The following SBNO2 variants were observed in gnomAD, a reference collection of about 807,000 sequenced individuals.
SBNO2 encodes protein strawberry notch homolog 2.
Under a neutral mutation model 146.3 loss-of-function variants are expected in SBNO2, and 89 were observed. The ratio of observed to expected loss-of-function variants is 0.61; its 90% CI spans 0.51 to 0.73. SBNO2 has a LOEUF of 0.73. SBNO2 is among the 30% of genes least tolerant of loss of function. SBNO2 has a pLI of 0.00. For synonymous variants in SBNO2, 1,147 were observed against 892.6 expected (o/e 1.29, Z -5.08); for missense variants, 2,092 against 2,003.7 (o/e 1.04, Z -0.84).
At chr19:1,162,212 C>A (rs1252939230) in intron 1 of SBNO2, among the ~76,000 whole-genome samples, 1 of 146,354 alleles carries the variant, frequency 6.8e-6, no homozygotes, top group Non-Finnish European at 1.5e-5. Context: ...GTAATCCCAG[C>A]ACTTTGGGAG....
intron 1 of SBNO2, among the ~76,000 whole-genome samples, chr19:1,162,545 C>T (rs2080359096): frequency 6.6e-6 from 1 of 151,908 alleles, no homozygotes; most frequent in Non-Finnish European, 1.5e-5. Flanking sequence ...CTCACCCATA[C>T]GAGCCTGCCA....
intron 1 of SBNO2, among the ~76,000 whole-genome samples, chr19:1,159,233 A>G (rs752301971): frequency 2.3e-4 from 35 of 151,660 alleles, no homozygotes; most frequent in Non-Finnish European, 4.7e-4. Flanking sequence ...CTCAGCTAAT[A>G]TGGGGCAGAG....
At chr19:1,118,556 C>T (rs1048228726) in intron 14 of SBNO2, among the ~76,000 whole-genome samples, 4 of 151,788 alleles carry the variant, frequency 2.6e-5, no homozygotes, top group Non-Finnish European at 4.4e-5. Context: ...TCCCATCCCT[C>T]GTTATCACAG....
intron 2 of SBNO2, 79 bp downstream of exon 2, chr19:1,154,105 G>T: frequency 1.5e-6 from 1 of 673,090 alleles, no homozygotes; most frequent in Non-Finnish European, 2.1e-6. Flanking sequence ...CATTCCGCAC[G>T]ACGTGACCCC....
intron 3 of SBNO2, 125 bp from the exon 4 acceptor site, chr19:1,147,545 G>C (rs540284576): frequency 1.8e-6 from 1 of 557,454 alleles, no homozygotes; most frequent in Non-Finnish European, 3.0e-6. Flanking sequence ...TGCCCAGCCC[G>C]GCAGGACCCA....
At position 1,108,505 on chromosome 19, in the gene SBNO2, C is replaced by T. The variant is rs2079702923; in HGVS notation, c.3816G>A (p.Pro1272=). The T allele has an allele frequency of 4.2e-6, 5 of 1,204,810 alleles. No individual in the cohort carries two copies. Among genetic ancestry groups the T allele is most frequent in the Non-Finnish European group, 5.2e-6 (5 of 968,778 alleles). The allele number at this position is 1,204,810 out of a possible 1,614,324, so 74.6% of individuals were successfully genotyped here. The change falls in exon 32 of 32, where the codon CCG becomes CCA. Residue 1272 remains proline, a synonymous_variant. Coordinates refer to ENST00000361757, the MANE Select transcript of SBNO2 (RefSeq NM_014963.3). ...SPPAEAFPPP[P]HFSFPAPLSL... ...ACAGCGGCGCCGGGAAAGAGAAGTGCGGGGGCGGCGGGAAGGCCTCGGCCG... is the reference window on the plus strand; with the variant it reads ...ACAGCGGCGCCGGGAAAGAGAAGTGTGGGGGCGGCGGGAAGGCCTCGGCCG...
In SBNO2 at chr19:1,127,447, C is replaced by T. The variant is rs1002135264; in HGVS notation, c.441+157G>A. 5 of 710,868 alleles carry T rather than the reference C, an allele frequency of 7.0e-6. No individual in the cohort carries two copies. The East Asian group carries it at 1.3e-4, about 18-fold the overall frequency. The allele number at this position is 710,868 out of a possible 1,614,324, so 44.0% of individuals were successfully genotyped here. A position where few individuals can be genotyped will look rare whatever the true frequency, so the allele number is the denominator to read the frequency against. On this transcript the variant is annotated intron_variant, in intron 5 of 31. Coordinates refer to ENST00000361757, the MANE Select transcript of SBNO2 (RefSeq NM_014963.3). ...GGACACAAGAGGACCCTCAACTAAC[C>T]ACCTCATCCATGGCCACAGATGGCG... is the stretch of plus-strand genomic sequence containing the variant.
intron 5 of SBNO2, among the ~76,000 whole-genome samples, chr19:1,124,999 T>C (rs2079949053): frequency 6.6e-6 from 1 of 151,980 alleles, no homozygotes; most frequent in Admixed American, 6.6e-5. Context: ...GTCTGTGTGA[T>C]TCTGGAATAT....
intron 1 of SBNO2, among the ~76,000 whole-genome samples, chr19:1,164,109 G>C (rs2080377699): frequency 6.6e-6 from 1 of 152,238 alleles, no homozygotes; most frequent in South Asian, 2.1e-4. Flanking sequence ...GGGCTCAAGG[G>C]TGTTGGCCGT....
intron 11 of SBNO2, among the ~76,000 whole-genome samples, chr19:1,121,839 C>G (rs539368897): frequency 2.0e-5 from 3 of 152,208 alleles, no homozygotes; most frequent in Non-Finnish European, 4.4e-5. Context: ...AGCCGGAGCC[C>G]TGTGGTGAAT....
rs950560662 is a variant in SBNO2 at position 1,150,516 on chromosome 19, G to A, written c.94-1074C>T. Among the ~76,000 whole-genome samples the A allele has an allele frequency of 3.3e-5, 5 of 151,386 alleles. No homozygotes were observed. Among genetic ancestry groups the A allele is most frequent in the East Asian group, 1.9e-4 (1 of 5,144 alleles). On this transcript the variant is annotated intron_variant, in intron 2 of 31. Coordinates refer to ENST00000361757, the MANE Select transcript of SBNO2 (RefSeq NM_014963.3). The surrounding 1 kb of genome is among the most constrained non-coding windows in gnomAD (Gnocchi z 6.2). ...GTCACGGGGGAGACCCTGCCGTCAC[G>A]GACGCCCCCACGGTCACGGGGGAGA...
intron 3 of SBNO2, among the ~76,000 whole-genome samples, chr19:1,148,127 CT>C (rs1203670353): frequency 6.6e-6 from 1 of 152,008 alleles, no homozygotes; most frequent in Non-Finnish European, 1.5e-5. Flanking sequence ...CCTCCAGAAG[CT>C]TCTCTCCAGC....
chr19:1,135,132 G>C (rs1328811796), intron 4 of SBNO2, among the ~76,000 whole-genome samples: 1 of 151,518 alleles, frequency 6.6e-6, no homozygotes, highest in Non-Finnish European at 1.5e-5. Context: ...AAGCTGAGGT[G>C]GGCAAACAGC....
At chr19:1,163,892 G>C (rs1300649292) in intron 1 of SBNO2, among the ~76,000 whole-genome samples, 1 of 152,210 alleles carries the variant, frequency 6.6e-6, no homozygotes, top group Non-Finnish European at 1.5e-5. Context: ...CCTGGAGGTG[G>C]AAGGGGCACT....
chr19:1,135,659 G>A (rs1437412248), intron 4 of SBNO2, among the ~76,000 whole-genome samples: 3 of 152,236 alleles, frequency 2.0e-5, no homozygotes, highest in African/African-American at 7.2e-5. Flanking sequence ...CAGTCCCGCA[G>A]CAACGCTGAC....
At chr19:1,151,083 C>T (rs1001159880) in intron 2 of SBNO2, among the ~76,000 whole-genome samples, 3 of 152,248 alleles carry the variant, frequency 2.0e-5, no homozygotes, top group African/African-American at 7.2e-5. Flanking sequence ...CCTGATCCTT[C>T]CCCTCCTCCT....
Position 1,124,028 on chromosome 19 carries a change from A to AGGG in SBNO2, c.442-9_442-7dup. On this transcript the variant is annotated splice_region_variant and splice_polypyrimidine_tract_variant and intron_variant, in intron 5 of 31. Coordinates refer to ENST00000361757, the MANE Select transcript of SBNO2 (RefSeq NM_014963.3). ...GGCCTGCTGAGCTGGAACAGCTGGA[A>AGGG]GGGGAGCAGGATGTCAGCCCGGGCC... 1 of 1,610,010 alleles carries AGGG rather than the reference A, an allele frequency of 6.2e-7. No homozygotes were observed. The highest frequency in any genetic ancestry group is 2.2e-5 in the East Asian group (1 of 44,844).
At chr19:1,111,462 C>G (rs553330282) in intron 24 of SBNO2, 44 bp downstream of exon 24, 7 of 1,387,310 alleles carry the variant, frequency 5.0e-6, no homozygotes, top group Non-Finnish European at 7.0e-6. Flanking sequence ...CAGTGCTCTG[C>G]AACCCCTGCC....
chr19:1,132,219 A>G (rs2080038024), intron 4 of SBNO2: 7 of 1,338,182 alleles, frequency 5.2e-6, no homozygotes, highest in Non-Finnish European at 6.7e-6. Flanking sequence ...CAGCCCCAGC[A>G]TTGGGTCGGC....
Sources: allele counts gnomAD v4.1 joint callset (sites outside exome capture counted in the v4.1 genomes callset), GRCh38; gene constraint gnomAD v4.1.1; non-coding constraint Gnocchi (gnomAD v3.1); transcripts MANE v1.5; gene names NCBI Gene and HGNC (gene_info 2026-07-23, HGNC 2026-07-21).